Variants in HRK observed in about 807,000 individuals in gnomAD.
The protein encoded by HRK is harakiri, BCL2 interacting protein.
HRK carries 6 observed loss-of-function variants against 5.9 expected under a neutral mutation model. That is an observed-to-expected ratio of 1.02 (90% CI 0.56 to 2.01). HRK has a LOEUF of 2.01. Among genes scored for constraint, HRK ranks in the 30% most tolerant of loss-of-function variants. The pLI is 0.00. For missense variants in HRK, 133 were observed against 128.3 expected, an observed-to-expected ratio of 1.04 and a Z score of -0.18; for synonymous variants, 85 against 65.1, an observed-to-expected ratio of 1.31 and a Z score of -1.47.
chr12:116,880,974 A>G lies in HRK; in HGVS notation c.*56+2T>C. The G allele has an allele frequency of 8.4e-7, 1 of 1,185,860 alleles. No homozygotes were observed. Among genetic ancestry groups the G allele is most frequent in the East Asian group, 3.4e-5 (1 of 29,586 alleles). 73.5% of individuals were successfully genotyped at this position (1,185,860 alleles called of 1,614,324 possible). On this transcript the variant is annotated splice_donor_variant, in intron 1 of 1. Transcript: ENST00000257572. LOFTEE classifies it low-confidence loss of function (3UTR_SPLICE). ...CCGGCTCTCGCTCGCTCGCTCGCGT[A>G]CCTGTTGCTCGCTCCGGCTGGGTCT...
chr12:116,880,415 G>T (rs1357635469), intron 1 of HRK, among the ~76,000 whole-genome samples: 5 of 152,162 alleles, frequency 3.3e-5, no homozygotes, highest in Admixed American at 6.5e-5. Context: ...GGGCCAGCCA[G>T]AAACCTGGAG....
At chr12:116,867,307 A>AT (rs113631575) in intron 1 of HRK, among the ~76,000 whole-genome samples, 6,651 of 150,932 alleles carry the variant, frequency 0.044, 351 homozygotes, top group East Asian at 0.13. Context: ...ATGCCCCGCT[A>AT]TTTTTTTTGT....
intron 1 of HRK, among the ~76,000 whole-genome samples, chr12:116,877,066 T>C (rs1478476457): frequency 6.6e-6 from 1 of 152,240 alleles, no homozygotes; most frequent in African/African-American, 2.4e-5. Context: ...CTGGACTTTT[T>C]TGAGACAAGA....
intron 1 of HRK, among the ~76,000 whole-genome samples, chr12:116,864,500 C>T (rs896550395): frequency 1.3e-5 from 2 of 152,152 alleles, no homozygotes; most frequent in South Asian, 2.1e-4. Flanking sequence ...AGCTTCAGCG[C>T]GGACCCAGGA....
chr12:116,879,839 C>T lies in HRK; in HGVS notation c.*56+1137G>A, dbSNP rs1879077548. ...TTCCCAGGGTGTCTGCGGCGCGCGGCGGGGCTCGGGGGCGGGGACCTAAGG... is the reference window on the plus strand; with the variant it reads ...TTCCCAGGGTGTCTGCGGCGCGCGGTGGGGCTCGGGGGCGGGGACCTAAGG... On this transcript the variant is annotated intron_variant, in intron 1 of 1. Coordinates refer to ENST00000257572, the MANE Select transcript of HRK (RefSeq NM_003806.4). The surrounding 1 kb of genome is among the most constrained non-coding windows in gnomAD (Gnocchi z 5.6). 6.6e-6 allele frequency among the ~76,000 whole-genome samples: 1 copy of T among 152,204 alleles called. No individual in the cohort carries two copies. Among genetic ancestry groups the T allele is most frequent in the Non-Finnish European group, 1.5e-5 (1 of 68,034 alleles).
intron 1 of HRK, among the ~76,000 whole-genome samples, chr12:116,865,413 G>A (rs1000979364): frequency 7.2e-5 from 11 of 152,046 alleles, no homozygotes; most frequent in East Asian, 3.9e-4. Flanking sequence ...TGTAATCTTC[G>A]CTACTCAGGA....
chr12:116,877,245 A>T (rs1878969079), intron 1 of HRK, among the ~76,000 whole-genome samples: 1 of 149,334 alleles, frequency 6.7e-6, no homozygotes, highest in South Asian at 2.1e-4. Flanking sequence ...TGGTACAGAC[A>T]AGGTTTCACC....
intron 1 of HRK, among the ~76,000 whole-genome samples, chr12:116,868,841 G>C (rs1878640186): frequency 1.3e-5 from 2 of 152,194 alleles, no homozygotes; most frequent in African/African-American, 2.4e-5. Flanking sequence ...GGCCTAAGTA[G>C]GCCCTTGGTG....
At chr12:116,872,263 G>C (rs776066200) in intron 1 of HRK, among the ~76,000 whole-genome samples, 1 of 151,182 alleles carries the variant, frequency 6.6e-6, no homozygotes, top group African/African-American at 2.4e-5. Context: ...CCAGCTACTC[G>C]GGAGGCTAAG....
intron 1 of HRK, among the ~76,000 whole-genome samples, chr12:116,868,062 T>C (rs1359579170): frequency 1.3e-5 from 2 of 152,154 alleles, no homozygotes; most frequent in Admixed American, 6.5e-5. Context: ...TGTGTTAGAA[T>C]ACATTGTTAG....
intron 1 of HRK, among the ~76,000 whole-genome samples, chr12:116,865,743 C>G (rs113510995): frequency 4.6e-5 from 7 of 152,150 alleles, no homozygotes; most frequent in African/African-American, 1.7e-4. Flanking sequence ...CATTTGTATA[C>G]GCCATGTCTC....
In HRK at chr12:116,881,286, G is replaced by C; in HGVS notation, c.22C>G (p.Arg8Gly). The C allele has an allele frequency of 9.3e-7, 1 of 1,072,568 alleles. No homozygotes were observed. Among genetic ancestry groups the C allele is most frequent in the Non-Finnish European group, 1.1e-6 (1 of 887,976 alleles). The allele number at this position is 1,072,568 out of a possible 1,614,324, so 66.4% of individuals were successfully genotyped here. ...CACACGGCCGGGGGGCCGCGGCCGC[G>C]GTGCAGGGGGCACGGGCACATGACC... MCPCPLH[R>G]GRGPPAVCAC... Residue 8 changes from arginine (R) to glycine (G), a missense_variant, in exon 1 of 2, where the codon CGC becomes GGC. Coordinates refer to ENST00000257572, the MANE Select transcript of HRK (RefSeq NM_003806.4).
chr12:116,871,631 A>AT (rs201026561), intron 1 of HRK, among the ~76,000 whole-genome samples: 158 of 138,632 alleles, frequency 1.1e-3, no homozygotes, highest in Middle Eastern at 0.011. Context: ...TATTATTATT[A>AT]TTTTTTTTTT....
chr12:116,872,750 G>A (rs1410573060), intron 1 of HRK, among the ~76,000 whole-genome samples: 1 of 151,912 alleles, frequency 6.6e-6, no homozygotes, highest in Non-Finnish European at 1.5e-5. Context: ...ACTCCAGCCT[G>A]GGTGACAGAG....
intron 1 of HRK, among the ~76,000 whole-genome samples, chr12:116,863,420 C>G (rs149361783): frequency 6.6e-6 from 1 of 152,218 alleles, no homozygotes; most frequent in South Asian, 2.1e-4. Context: ...CTTACCCTGG[C>G]ACCTTCAGGC....
chr12:116,881,250 C>G lies in HRK; in HGVS notation c.58G>C (p.Ala20Pro). ...GACGAGCGCAGCCCCAGGCGACCCG[C>G]GCTGCAGGCGCACACGGCCGGGGGG... Reference protein sequence around the residue: ...RGPPAVCACSAGRLGLRSSAA... With the variant: ...RGPPAVCACSPGRLGLRSSAA... Residue 20 changes from alanine to proline, a missense_variant, in exon 1 of 2, where the codon GCG (alanine) becomes CCG (proline). Coordinates refer to ENST00000257572, the MANE Select transcript of HRK (RefSeq NM_003806.4). The G allele has an allele frequency of 9.1e-7, 1 of 1,094,602 alleles. No individual in the cohort carries two copies. Among genetic ancestry groups the G allele is most frequent in the Non-Finnish European group, 1.1e-6 (1 of 902,204 alleles). The allele number at this position is 1,094,602 out of a possible 1,614,324, so 67.8% of individuals were successfully genotyped here.
At chr12:116,877,448 A>AT (rs1416390876) in intron 1 of HRK, among the ~76,000 whole-genome samples, 2 of 152,196 alleles carry the variant, frequency 1.3e-5, no homozygotes, top group Non-Finnish European at 2.9e-5. Flanking sequence ...TGCAGAGGTA[A>AT]TGGTTCTTTC....
intron 1 of HRK, among the ~76,000 whole-genome samples, chr12:116,872,396 G>T (rs1878786278): frequency 6.6e-6 from 1 of 152,016 alleles, no homozygotes; most frequent in Non-Finnish European, 1.5e-5. Flanking sequence ...GTGTCTCATA[G>T]AAAAATATTA....
At position 116,863,132 on chromosome 12, in the gene HRK, G is replaced by A. The variant is rs542418061; in HGVS notation, c.*57-1666C>T. The stretch of plus-strand genomic sequence containing the variant: ...CAGGTGGCATATGAACGAGCATGTG[G>A]GTAATACACACCAAGTGATATAGGA... On this transcript the variant is annotated intron_variant, in intron 1 of 1. Coordinates refer to ENST00000257572, the MANE Select transcript of HRK (RefSeq NM_003806.4). Among the ~76,000 whole-genome samples the A allele has an allele frequency of 1.1e-4, 16 of 152,300 alleles. No homozygotes were observed. In the South Asian group the frequency reaches 2.1e-3, roughly 20 times the overall value.
Sources: allele counts gnomAD v4.1 joint callset (sites outside exome capture counted in the v4.1 genomes callset), GRCh38; gene constraint gnomAD v4.1.1; non-coding constraint Gnocchi (gnomAD v3.1); transcripts MANE v1.5; gene names NCBI Gene and HGNC (gene_info 2026-07-23, HGNC 2026-07-21).